WNK2: variants seen among roughly 807,000 people sequenced by gnomAD.
WNK2 encodes WNK lysine deficient protein kinase 2, also known as serine/threonine-protein kinase WNK2.
WNK2 carries 67 observed loss-of-function variants against 192.1 expected under a neutral mutation model. The observed-to-expected ratio is 0.35, with a 90% CI of 0.29 to 0.43. WNK2 has a LOEUF of 0.43. Ranked by LOEUF, WNK2 falls within the 20% of genes least tolerant of loss-of-function variation. WNK2 has a pLI of 1.00. For synonymous variants in WNK2, 1,439 were observed against 1,393.9 expected (o/e 1.03, Z -0.72); for missense variants, 2,698 against 3,089.7 (o/e 0.87, Z 3.01).
intron 27 of WNK2, chr9:93,307,094 T>C: frequency 1.9e-6 from 1 of 525,436 alleles, no homozygotes; most frequent in Non-Finnish European, 3.4e-6. Context: ...ACCCGCAAAT[T>C]GCCGATCATT....
In WNK2 at chr9:93,261,703, G is replaced by C. The variant is rs114734427; in HGVS notation, c.3067-111G>C. On this transcript the variant is annotated intron_variant, in intron 12 of 29. Transcript: ENST00000427277. Reference sequence around the variant, plus strand: ...ACTCCCCTTGGGGAGGGTGTGGTCTGGAGAGGGGTGTTCCCATCTCGGCCT... The same window carrying C: ...ACTCCCCTTGGGGAGGGTGTGGTCTCGAGAGGGGTGTTCCCATCTCGGCCT... 7,148 of 1,297,602 alleles carry C rather than the reference G, an allele frequency of 5.5e-3. 323 individuals are homozygous for C. The African/African-American group carries it at 0.093, about 17-fold the overall frequency. The allele number at this position is 1,297,602 out of a possible 1,614,324, so 80.4% of individuals were successfully genotyped here. A position where few individuals can be genotyped will look rare whatever the true frequency, so the allele number is the denominator to read the frequency against.
Position 93,312,188 on chromosome 9 carries a change from G to A in WNK2, c.6516+3604G>A, listed in dbSNP as rs556325413. Among the ~76,000 whole-genome samples, 21 of 152,256 alleles carry A rather than the reference G, an allele frequency of 1.4e-4. No individual in the cohort carries two copies. The East Asian group carries it at 2.7e-3, about 20-fold the overall frequency. ...TCCCTTATCAGATATATGATCTGTT[G>A]ATAGTGCCTTTGGATGCACGAAAGT... On this transcript the variant is annotated intron_variant, in intron 28 of 29. Transcript: ENST00000427277.
Position 93,263,664 on chromosome 9 carries a change from A to G in WNK2, c.3509A>G (p.His1170Arg), listed in dbSNP as rs1844654339. The change falls in exon 15 of 30, where the codon CAC becomes CGC. Residue 1170 changes from histidine to arginine, a missense_variant. Around this residue, in one of 7 missense-constraint regions of WNK2, gnomAD observed 893 missense variants for 909.0 expected, o/e 0.98. Coordinates refer to ENST00000427277, the MANE Select transcript of WNK2 (RefSeq NM_006648.4). ...GRLEGRAARK[H>R]HRRSTRARSR... Reference sequence around the variant, plus strand: ...CTGGAGGGCAGGGCAGCCCGAAAACACCACCGCAGGTCCACGCGTGCGCGC... The same window carrying G: ...CTGGAGGGCAGGGCAGCCCGAAAACGCCACCGCAGGTCCACGCGTGCGCGC... 6.3e-7 allele frequency: 1 copy of G among 1,593,212 alleles called. No homozygotes were observed. Among genetic ancestry groups the G allele is most frequent in the African/African-American group, 1.4e-5 (1 of 73,822 alleles).
chr9:93,312,208 G>A (rs1469859391), intron 28 of WNK2, among the ~76,000 whole-genome samples: 1 of 152,134 alleles, frequency 6.6e-6, no homozygotes, highest in African/African-American at 2.4e-5. Flanking sequence ...TTGGATGCAC[G>A]AAAGTTTTAA....
At chr9:93,318,376 G>C in intron 29 of WNK2, 1 of 1,613,626 alleles carries the variant, frequency 6.2e-7, no homozygotes, top group South Asian at 1.1e-5. Context: ...TTTGTCCTCA[G>C]TAGAGTGCCG....
At chr9:93,184,783 G>A in intron 1 of WNK2, 145 bp from the exon 2 acceptor site, 1 of 672,010 alleles carries the variant, frequency 1.5e-6, no homozygotes, top group Non-Finnish European at 2.1e-6. Flanking sequence ...CCTTTCCCAG[G>A]GCCCCCAGAG....
chr9:93,282,462 T>TG (rs1340504438), intron 19 of WNK2, among the ~76,000 whole-genome samples: 1 of 133,518 alleles, frequency 7.5e-6, no homozygotes, highest in Non-Finnish European at 1.6e-5. Flanking sequence ...TTCTCAAAAG[T>TG]GAAAAAAAAA....
Position 93,247,548 on chromosome 9 carries a change from G to A in WNK2, c.1548G>A (p.Glu516=). The A allele has an allele frequency of 6.2e-7, 1 of 1,609,798 alleles. No homozygotes were observed. Among genetic ancestry groups the A allele is most frequent in the Non-Finnish European group, 8.5e-7 (1 of 1,178,416 alleles). ...TPDEVAQEMI[E]SGFFHESDVK... is the part of the protein sequence containing the mutation. The stretch of plus-strand genomic sequence containing the variant: ...CAACATGACTGCCTTTACAGATTGA[G>A]TCTGGATTCTTCCACGAGAGTGACG... Residue 516 remains glutamate (E), a synonymous_variant, in exon 8 of 30, where the codon GAG becomes GAA. Coordinates refer to ENST00000427277, the MANE Select transcript of WNK2 (RefSeq NM_006648.4). This position sits in a 1 kb window ranked among gnomAD's most constrained non-coding sequence, Gnocchi z 5.2.
chr9:93,206,024 G>C (rs75802940), intron 2 of WNK2, among the ~76,000 whole-genome samples: 1 of 152,148 alleles, frequency 6.6e-6, no homozygotes, highest in Admixed American at 6.5e-5. Flanking sequence ...CCTAGACCCC[G>C]TGCGGAGCCT....
intron 6 of WNK2, among the ~76,000 whole-genome samples, chr9:93,238,786 C>T (rs779397339): frequency 1.1e-4 from 16 of 152,138 alleles, no homozygotes; most frequent in Non-Finnish European, 1.8e-4. Flanking sequence ...TTGTTTGGCC[C>T]TTCTCAAAAA....
intron 26 of WNK2, among the ~76,000 whole-genome samples, chr9:93,301,979 G>C (rs1851691088): frequency 6.6e-6 from 1 of 152,216 alleles, no homozygotes. Flanking sequence ...CTCAAGCCCT[G>C]TCTGGATCAG....
chr9:93,306,246 C>T (rs1390870249), intron 26 of WNK2, among the ~76,000 whole-genome samples: 2 of 152,188 alleles, frequency 1.3e-5, no homozygotes, highest in Non-Finnish European at 2.9e-5. Context: ...CCGCTGACCT[C>T]ATCTGAGGCA....
Position 93,229,896 on chromosome 9 carries a change from C to T in WNK2, c.854+28C>T, listed in dbSNP as rs749001846. On this transcript the variant is annotated intron_variant, in intron 3 of 29. Transcript: ENST00000427277. This position sits in a 1 kb window ranked among gnomAD's most constrained non-coding sequence, Gnocchi z 4.9. ...AAGCTCCGCTTCCTGAGGGCTGGGG[C>T]GGGTCCTGGCATGGGTGCAGGGCTA... The T allele has an allele frequency of 8.1e-6, 13 of 1,605,660 alleles. No individual in the cohort carries two copies. The highest frequency in any genetic ancestry group is 1.7e-4 in the Middle Eastern group (1 of 5,870).
rs144043981 is a variant in WNK2 at position 93,236,158 on chromosome 9, C to T, written c.1233+1193C>T. Among the ~76,000 whole-genome samples the T allele has an allele frequency of 2.4e-3, 365 of 152,268 alleles. 8 individuals carry two copies. The East Asian group carries it at 0.042, about 18-fold the overall frequency. ...TGGTCTGCAGCAGGAGGAAGTGGGG[C>T]GCTCCAGAGATTAAGAGCTCCATTT... On this transcript the variant is annotated intron_variant, in intron 5 of 29. Coordinates refer to ENST00000427277, the MANE Select transcript of WNK2 (RefSeq NM_006648.4).
chr9:93,215,693 G>T (rs1422266265), intron 2 of WNK2, among the ~76,000 whole-genome samples: 2 of 152,004 alleles, frequency 1.3e-5, no homozygotes, highest in Non-Finnish European at 2.9e-5. Context: ...TTTAGTTCTG[G>T]TGAAATTATT....
chr9:93,275,183 A>T (rs543222917), intron 19 of WNK2, among the ~76,000 whole-genome samples: 8 of 152,236 alleles, frequency 5.3e-5, no homozygotes, highest in Non-Finnish European at 1.0e-4. Context: ...GACACAGCAG[A>T]ATCAGTTGAC....
intron 19 of WNK2, among the ~76,000 whole-genome samples, chr9:93,273,682 A>G (rs561785226): frequency 6.6e-6 from 1 of 152,236 alleles, no homozygotes; most frequent in Non-Finnish European, 1.5e-5. Context: ...CCTAATTGAC[A>G]TTTATAGAAC....
chr9:93,208,249 T>A (rs968350066), intron 2 of WNK2, among the ~76,000 whole-genome samples: 1 of 152,042 alleles, frequency 6.6e-6, no homozygotes, highest in African/African-American at 2.4e-5. Context: ...GAAAGTGGAG[T>A]TTTTGTGTTC....
intron 2 of WNK2, among the ~76,000 whole-genome samples, chr9:93,207,554 A>G (rs149309627): frequency 6.6e-6 from 1 of 152,320 alleles, no homozygotes; most frequent in African/African-American, 2.4e-5. Flanking sequence ...GCTTTACAGA[A>G]TTGGTAATTC....
Sources: allele counts gnomAD v4.1 joint callset (sites outside exome capture counted in the v4.1 genomes callset), GRCh38; gene constraint gnomAD v4.1.1; regional missense constraint gnomAD v4.1.1; non-coding constraint Gnocchi (gnomAD v3.1); transcripts MANE v1.5; gene names NCBI Gene and HGNC (gene_info 2026-07-23, HGNC 2026-07-21).